The following TSPO variants were observed in gnomAD, a reference collection of about 807,000 sequenced individuals.
TSPO encodes translocator protein, also known as benzodiazepine peripheral binding site.
In TSPO, 14 loss-of-function variants were observed where a neutral mutation model predicts 13.9. The observed-to-expected ratio is 1.01, with a 90% confidence interval of 0.67 to 1.58. The LOEUF (loss-of-function observed/expected upper bound fraction) is 1.58, where lower values mean the gene tolerates loss of function less well. Ranked by LOEUF, TSPO falls within the 40% of genes most tolerant of loss-of-function variation. TSPO has a pLI of 0.00. For missense variants in TSPO, 232 were observed against 229.6 expected (o/e 1.01, Z -0.07); for synonymous variants, 114 against 105.9 (o/e 1.08, Z -0.47).
At chr22:43,156,096 T>C (rs1425706323) in intron 1 of TSPO, among the ~76,000 whole-genome samples, 1 of 152,252 alleles carries the variant, frequency 6.6e-6, no homozygotes, top group Admixed American at 6.5e-5. Flanking sequence ...CTGAGCCCCT[T>C]GGCCCTGTGG....
chr22:43,159,950 C>G (rs374084935), intron 2 of TSPO, among the ~76,000 whole-genome samples: 1 of 152,138 alleles, frequency 6.6e-6, no homozygotes, highest in African/African-American at 2.4e-5. Flanking sequence ...CTGGGAGGGG[C>G]AGGGCGCCTC....
chr22:43,159,374 C>T lies in TSPO; in HGVS notation c.136C>T (p.His46Tyr). The T allele has an allele frequency of 6.5e-7, 1 of 1,544,038 alleles. No individual in the cohort carries two copies. Among genetic ancestry groups the T allele is most frequent in the African/African-American group, 1.4e-5 (1 of 73,032 alleles). The stretch of plus-strand genomic sequence containing the variant: ...GCAGAAGCCCTCGTGGCACCCGCCC[C>T]ACTGGGTGCTGGGCCCTGTCTGGGG... ...GLQKPSWHPP[H>Y]WVLGPVWGTL... The change falls in exon 2 of 4, where the codon CAC becomes TAC. Residue 46 changes from histidine (H) to tyrosine (Y), a missense_variant. Coordinates refer to ENST00000337554, the MANE Select transcript of TSPO (RefSeq NM_000714.6).
intron 3 of TSPO, among the ~76,000 whole-genome samples, chr22:43,162,076 G>A (rs978395598): frequency 2.7e-5 from 4 of 150,774 alleles, no homozygotes; most frequent in Non-Finnish European, 4.4e-5. Flanking sequence ...TCAGCCTCCC[G>A]AGTAGCTGGG....
chr22:43,155,244 C>T (rs929117559), intron 1 of TSPO, among the ~76,000 whole-genome samples: 24 of 152,168 alleles, frequency 1.6e-4, no homozygotes, highest in African/African-American at 5.8e-4. Flanking sequence ...GGCCGTGTGG[C>T]TCAGGGAGAA....
In TSPO at chr22:43,162,960, G is replaced by A; in HGVS notation, c.479G>A (p.Gly160Asp). The change falls in exon 4 of 4, where the codon GGC becomes GAC. Residue 160 changes from glycine (G) to aspartate (D), a missense_variant. Gly to Asp is a moderately conservative substitution (Grantham distance 94, BLOSUM62 -1). Transcript: ENST00000337554. ...TACTGCGTATGGCGGGACAACCATG[G>A]CTGGCGTGGGGGACGGCGGCTGCCA... ...LNYCVWRDNHGWRGGRRLPE is the reference protein window; with the variant it reads ...LNYCVWRDNHDWRGGRRLPE The A allele has an allele frequency of 6.3e-7, 1 of 1,594,300 alleles. No homozygotes were observed. The highest frequency in any genetic ancestry group is 1.1e-5 in the South Asian group (1 of 88,338).
At chr22:43,162,156 C>G (rs1400687220) in intron 3 of TSPO, among the ~76,000 whole-genome samples, 1 of 150,464 alleles carries the variant, frequency 6.6e-6, no homozygotes, top group East Asian at 2.0e-4. Context: ...GAGTCTCGCT[C>G]TGTTGCCCAG....
intron 2 of TSPO, 176 bp downstream of exon 2, chr22:43,159,596 T>G: frequency 1.6e-6 from 1 of 627,828 alleles, no homozygotes; most frequent in Non-Finnish European, 2.4e-6. Flanking sequence ...CTGAACTTTC[T>G]CCTCCTGGGC....
At chr22:43,159,677 C>G in intron 2 of TSPO, 1 of 417,868 alleles carries the variant, frequency 2.4e-6, no homozygotes, top group Non-Finnish European at 4.2e-6. Context: ...CAGGCAGAGG[C>G]CGGCTTAGTG....
chr22:43,159,627 T>TGCTCA, intron 2 of TSPO: 1 of 483,294 alleles, frequency 2.1e-6, no homozygotes, highest in Non-Finnish European at 3.5e-6. Context: ...ATGGGTCAGA[T>TGCTCA]GCTCACCCCA....
At chr22:43,156,117 C>T (rs371387738) in intron 1 of TSPO, among the ~76,000 whole-genome samples, 8 of 152,370 alleles carry the variant, frequency 5.3e-5, no homozygotes, top group Admixed American at 3.3e-4. Flanking sequence ...GTCATAACCA[C>T]AGCCAGGCCT....
chr22:43,155,831 G>A (rs180919943), intron 1 of TSPO, among the ~76,000 whole-genome samples: 9 of 152,180 alleles, frequency 5.9e-5, no homozygotes, highest in Non-Finnish European at 8.8e-5. Context: ...CCTGAGTCCT[G>A]TCCCTGCCAT....
intron 3 of TSPO, among the ~76,000 whole-genome samples, chr22:43,162,358 G>A (rs1350362038): frequency 2.0e-5 from 3 of 152,126 alleles, no homozygotes; most frequent in African/African-American, 7.2e-5. Context: ...CTGACCTCAG[G>A]TGATCCACCC....
rs776953146 is a variant in TSPO, at chr22:43,161,035, T to G, written c.183-17T>G. 6.2e-7 allele frequency: 1 copy of G among 1,609,364 alleles called. No individual in the cohort carries two copies. The highest frequency in any genetic ancestry group is 1.1e-5 in the South Asian group (1 of 90,638). On this transcript the variant is annotated splice_polypyrimidine_tract_variant and intron_variant, in intron 2 of 3. Transcript: ENST00000337554. ...CCTTGTTCCTAATGGTGCTCTGAAC[T>G]GCGGCCTCTGTTTCAGGTACGGCTC...
At chr22:43,152,621 G>A (rs1160501985) in intron 1 of TSPO, among the ~76,000 whole-genome samples, 2 of 152,270 alleles carry the variant, frequency 1.3e-5, no homozygotes, top group African/African-American at 4.8e-5. Context: ...AGGAGAGCCA[G>A]CCTCAGCCCA....
chr22:43,152,581 T>G (rs961028858), intron 1 of TSPO, among the ~76,000 whole-genome samples: 5 of 152,224 alleles, frequency 3.3e-5, no homozygotes, highest in African/African-American at 4.8e-5. Flanking sequence ...AGGTTTCCAC[T>G]GGCGGTGAAA....
At chr22:43,153,345 T>TGGTGGTGCAAACAATGC (rs1214567553) in intron 1 of TSPO, among the ~76,000 whole-genome samples, 1 of 50,438 alleles carries the variant, frequency 2.0e-5, no homozygotes, top group South Asian at 1.0e-3. Context: ...TCTTTTTTTT[T>TGGTGGTGCAAACAATGC]TTTTTTTTTT....
intron 1 of TSPO, among the ~76,000 whole-genome samples, chr22:43,153,640 C>T (rs62234274): frequency 0.54 from 66,093 of 122,494 alleles, 20,078 homozygotes; most frequent in East Asian, 0.99. Flanking sequence ...CGTGAGCCAC[C>T]GCGCCCGGCT....
chr22:43,159,321 G>A lies in TSPO; in HGVS notation c.83G>A (p.Gly28Asp). ...TTCGTGGGCTCCCGCTTTGTCCACG[G>A]CGAGGGTCTCCGCTGGTACGCCGGC... is the stretch of plus-strand genomic sequence containing the variant. The part of the protein sequence containing the change: ...GCFVGSRFVH[G>D]EGLRWYAGLQ... Residue 28 changes from glycine (G) to aspartate (D), a missense_variant, in exon 2 of 4, where the codon GGC (glycine) becomes GAC (aspartate). Transcript: ENST00000337554. 6.5e-7 allele frequency: 1 copy of A among 1,549,636 alleles called. No homozygotes were observed. The highest frequency in any genetic ancestry group is 8.7e-7 in the Non-Finnish European group (1 of 1,147,020).
Position 43,161,118 on chromosome 22 carries a change from C to A in TSPO, c.249C>A (p.Gly83=). 6.2e-7 allele frequency: 1 copy of A among 1,614,176 alleles called. No homozygotes were observed. Among genetic ancestry groups the A allele is most frequent in the Non-Finnish European group, 8.5e-7 (1 of 1,179,998 alleles). ...CAGAGAAGGCTGTGGTTCCCCTGGG[C>A]CTCTACACTGGGCAGCTGGCCCTGA... The part of the protein sequence containing the change: ...GFTEKAVVPL[G]LYTGQLALNW... The change falls in exon 3 of 4, where the codon GGC becomes GGA. Residue 83 remains glycine (G), a synonymous_variant. Transcript: ENST00000337554.
Sources: gnomAD v4.1 joint callset for allele counts (sites outside exome capture counted in the v4.1 genomes callset) on GRCh38, gnomAD v4.1.1 for gene constraint, MANE v1.5 for transcripts, NCBI Gene and HGNC (gene_info 2026-07-23, HGNC 2026-07-21) for gene names.